Variants in LAPTM4A observed in about 807,000 individuals in gnomAD.
LAPTM4A encodes lysosomal-associated transmembrane protein 4A.
In LAPTM4A, 19 loss-of-function variants were observed where a neutral mutation model predicts 29.9. That is an observed-to-expected ratio of 0.64 (90% CI 0.44 to 0.93). The LOEUF (loss-of-function observed/expected upper bound fraction) is 0.93. Among genes scored for constraint, LAPTM4A ranks in the 40% least tolerant of loss-of-function variants. The pLI is 0.00. For missense variants in LAPTM4A, 293 were observed against 288.5 expected, an observed-to-expected ratio of 1.02 and a Z score of -0.11; for synonymous variants, 105 against 102.1, an observed-to-expected ratio of 1.03 and a Z score of -0.17.
rs1000464855 is a variant in LAPTM4A, at chr2:20,032,911, T to C, written c.*294A>G. ...GAAAGTGCAGTTAAAAAGGAAACTA[T>C]GTGGCAAGTACCCTCTTTCCCTTCC... On this transcript the variant is annotated 3_prime_UTR_variant, in exon 7 of 7. Coordinates refer to ENST00000175091, the MANE Select transcript of LAPTM4A (RefSeq NM_014713.5). 1.6e-5 allele frequency: 6 copies of C among 375,532 alleles called. No individual in the cohort carries two copies. The highest frequency in any genetic ancestry group is 2.9e-5 in the Non-Finnish European group (6 of 207,268). The allele number at this position is 375,532 out of a possible 1,614,324, so 23.3% of individuals were successfully genotyped here.
chr2:20,042,819 G>A (rs1199059668), intron 1 of LAPTM4A, among the ~76,000 whole-genome samples: 2 of 152,202 alleles, frequency 1.3e-5, no homozygotes, highest in Non-Finnish European at 2.9e-5. Context: ...GAAATCTCAC[G>A]TAGGATTGGA....
At chr2:20,040,741 A>G in intron 2 of LAPTM4A, 150 bp downstream of exon 2, 1 of 724,182 alleles carries the variant, frequency 1.4e-6, no homozygotes, top group Middle Eastern at 3.9e-4. Context: ...AGGCTACGCT[A>G]TCTAGGTTTG....
At chr2:20,041,391 C>T (rs1264045857) in intron 1 of LAPTM4A, among the ~76,000 whole-genome samples, 3 of 152,146 alleles carry the variant, frequency 2.0e-5, no homozygotes, top group African/African-American at 4.8e-5. Context: ...TCATCAGATG[C>T]CCGAAACCCC....
intron 1 of LAPTM4A, among the ~76,000 whole-genome samples, chr2:20,042,254 C>T (rs749848452): frequency 6.6e-6 from 1 of 152,164 alleles, no homozygotes; most frequent in African/African-American, 2.4e-5. Context: ...CATGAGCCAC[C>T]GCACCCAGCC....
intron 1 of LAPTM4A, among the ~76,000 whole-genome samples, chr2:20,043,345 G>C (rs1464477832): frequency 1.3e-5 from 2 of 151,554 alleles, no homozygotes; most frequent in Non-Finnish European, 2.9e-5. Context: ...CTCCCGAGTA[G>C]CTGGGACTAC....
intron 6 of LAPTM4A, among the ~76,000 whole-genome samples, 165 bp from the exon 7 acceptor site, chr2:20,033,444 C>A (rs1673616266): frequency 6.6e-6 from 1 of 152,096 alleles, no homozygotes; most frequent in Non-Finnish European, 1.5e-5. Flanking sequence ...CCTCAATAAC[C>A]TGGAATTTTA....
rs1295195211 is a variant in LAPTM4A at position 20,040,859 on chromosome 2, G to A, written c.232+32C>T. On this transcript the variant is annotated intron_variant, in intron 2 of 6. Coordinates refer to ENST00000175091, the MANE Select transcript of LAPTM4A (RefSeq NM_014713.5). ...GGACTGTATATAAAAATTAGCAGGG[G>A]AGATTTTTTTGTTTTTCTATTAAAC... 6 of 1,601,392 alleles carry A rather than the reference G, an allele frequency of 3.7e-6. No homozygotes were observed. In the South Asian group the frequency reaches 5.5e-5, roughly 15 times the overall value.
At chr2:20,050,869 G>A (rs891234625) in intron 1 of LAPTM4A, among the ~76,000 whole-genome samples, 3 of 152,244 alleles carry the variant, frequency 2.0e-5, no homozygotes, top group Non-Finnish European at 2.9e-5. Context: ...GGAGATGCAA[G>A]AGAGGCATGA....
At chr2:20,041,093 T>C in intron 1 of LAPTM4A, 82 bp from the exon 2 acceptor site, 1 of 1,362,380 alleles carries the variant, frequency 7.3e-7, no homozygotes, top group Non-Finnish European at 1.0e-6. Flanking sequence ...TCCTCTCATA[T>C]TTAAGATTGT....
intron 1 of LAPTM4A, among the ~76,000 whole-genome samples, chr2:20,042,598 G>A (rs561533583): frequency 6.6e-6 from 1 of 152,348 alleles, no homozygotes; most frequent in South Asian, 2.1e-4. Flanking sequence ...CCATTAACTA[G>A]CAACTTCTGA....
intron 1 of LAPTM4A, among the ~76,000 whole-genome samples, chr2:20,049,475 C>CCT (rs1382575931): frequency 7.9e-5 from 12 of 152,302 alleles, no homozygotes; most frequent in African/African-American, 2.6e-4. Flanking sequence ...GATGTAAACT[C>CCT]CTCACTCCCT....
chr2:20,041,962 C>G (rs1673810969), intron 1 of LAPTM4A, among the ~76,000 whole-genome samples: 1 of 152,344 alleles, frequency 6.6e-6, no homozygotes, highest in African/African-American at 2.4e-5. Context: ...CTCTGACTAG[C>G]ATGTTTCCTA....
chr2:20,039,361 C>T (rs979235885), intron 2 of LAPTM4A, among the ~76,000 whole-genome samples: 35 of 152,248 alleles, frequency 2.3e-4, no homozygotes, highest in African/African-American at 8.4e-4. Context: ...AACATGCAAA[C>T]TTCCACTTAG....
chr2:20,039,477 G>C (rs1454523736), intron 2 of LAPTM4A, among the ~76,000 whole-genome samples: 1 of 152,170 alleles, frequency 6.6e-6, no homozygotes, highest in Admixed American at 6.5e-5. Flanking sequence ...CTATGGGCTG[G>C]GCACAGTGGC....
intron 1 of LAPTM4A, among the ~76,000 whole-genome samples, chr2:20,045,694 A>G (rs774618913): frequency 3.9e-5 from 6 of 152,320 alleles, no homozygotes; most frequent in Middle Eastern, 3.4e-3. Context: ...TTGTTACAAA[A>G]TAACTGTATC....
In LAPTM4A at chr2:20,051,398, T is replaced by G; in HGVS notation, c.111+12A>C. 3 of 1,447,318 alleles carry G rather than the reference T, an allele frequency of 2.1e-6. No individual in the cohort carries two copies. The highest frequency in any genetic ancestry group is 2.8e-6 in the Non-Finnish European group (3 of 1,069,710). 89.7% of individuals were successfully genotyped at this position (1,447,318 alleles called of 1,614,324 possible). On this transcript the variant is annotated intron_variant, in intron 1 of 6. Transcript: ENST00000175091. The stretch of plus-strand genomic sequence containing the variant: ...GCCCCCCGGACATACGCGCCACGCC[T>G]GCCCGCCTTACCATGTACCAGGTCC...
rs200110910 is a variant in LAPTM4A at position 20,037,517 on chromosome 2, A to G, written c.309+21T>C. ...CTCCCCTAAGGTCAAACTCTAAAAG[A>G]TGAAAATACAGTATACTTACAGAAA... is the stretch of plus-strand genomic sequence containing the variant. On this transcript the variant is annotated intron_variant, in intron 3 of 6. Transcript: ENST00000175091. 2.8e-4 allele frequency: 454 copies of G among 1,603,686 alleles called. 5 individuals carry two copies. The African/African-American group carries it at 4.8e-3, about 17-fold the overall frequency.
Position 20,040,906 on chromosome 2 carries a change from A to G in LAPTM4A, c.217T>C (p.Ser73Pro). 1 of 1,613,840 alleles carries G rather than the reference A, an allele frequency of 6.2e-7. No homozygotes were observed. Among genetic ancestry groups the G allele is most frequent in the South Asian group, 1.1e-5 (1 of 91,060 alleles). ...AAACACATACCAGCCATTCTCTCAG[A>G]CGAATAGTAATTACCGATGACTTCA... ...QYEVIGNYYS[S>P]ERMADNACVL... Residue 73 changes from serine to proline, a missense_variant, in exon 2 of 7, where the codon TCT becomes CCT. Coordinates refer to ENST00000175091, the MANE Select transcript of LAPTM4A (RefSeq NM_014713.5).
chr2:20,045,379 T>C (rs1473287396), intron 1 of LAPTM4A, among the ~76,000 whole-genome samples: 2 of 151,928 alleles, frequency 1.3e-5, no homozygotes, highest in East Asian at 3.9e-4. Flanking sequence ...GGTGGGAGGA[T>C]TGTTTGAGCC....
Sources: allele counts gnomAD v4.1 joint callset (sites outside exome capture counted in the v4.1 genomes callset), GRCh38; gene constraint gnomAD v4.1.1; transcripts MANE v1.5; gene names NCBI Gene and HGNC (gene_info 2026-07-23, HGNC 2026-07-21).